MECOM: variants seen among roughly 807,000 people sequenced by gnomAD.
MECOM encodes the protein histone-lysine N-methyltransferase MECOM.
A neutral mutation model predicts 116.3 loss-of-function variants in MECOM; 13 were observed. That is an observed-to-expected ratio of 0.11 (90% CI 0.07 to 0.18). The LOEUF is 0.18. Among genes scored for constraint, MECOM ranks in the 10% least tolerant of loss-of-function variants. The pLI is 1.00. For missense variants in MECOM, 1,299 were observed against 1,509.0 expected, an observed-to-expected ratio of 0.86 and a Z score of 2.31; for synonymous variants, 528 against 535.2, an observed-to-expected ratio of 0.99 and a Z score of 0.19.
At chr3:169,204,552 A>G (rs972369691) in intron 2 of MECOM, among the ~76,000 whole-genome samples, 2 of 152,168 alleles carry the variant, frequency 1.3e-5, no homozygotes, top group African/African-American at 4.8e-5. Flanking sequence ...GTGTCTCTTA[A>G]TCTATAGTAG....
chr3:169,240,729 G>A (rs1318557385), intron 2 of MECOM, among the ~76,000 whole-genome samples: 2 of 152,152 alleles, frequency 1.3e-5, no homozygotes, highest in Non-Finnish European at 2.9e-5. Flanking sequence ...ATGCCATTTT[G>A]TGCCTCTACC....
At chr3:169,319,429 T>G (rs1577699602) in intron 2 of MECOM, among the ~76,000 whole-genome samples, 2 of 146,722 alleles carry the variant, frequency 1.4e-5, no homozygotes, top group African/African-American at 2.5e-5. Flanking sequence ...TGTCAGGGGG[T>G]GGGGGGTAGG....
At chr3:169,634,592 A>T (rs1273220550) in intron 1 of MECOM, among the ~76,000 whole-genome samples, 1 of 152,128 alleles carries the variant, frequency 6.6e-6, no homozygotes, top group African/African-American at 2.4e-5. Context: ...TCAAACATCA[A>T]TGCCACCCAA....
chr3:169,158,352 A>G (rs938613001), intron 2 of MECOM, among the ~76,000 whole-genome samples: 1 of 152,212 alleles, frequency 6.6e-6, no homozygotes, highest in African/African-American at 2.4e-5. Context: ...GTCACAACAT[A>G]TACACGTTCA....
chr3:169,579,737 G>C (rs578236629), intron 1 of MECOM, among the ~76,000 whole-genome samples: 63 of 152,288 alleles, frequency 4.1e-4, no homozygotes, highest in African/African-American at 1.3e-3. Context: ...AAAATGTCAG[G>C]ATTCTCTTGG....
At chr3:169,319,602 T>G (rs1393197360) in intron 2 of MECOM, among the ~76,000 whole-genome samples, 2 of 152,014 alleles carry the variant, frequency 1.3e-5, no homozygotes, top group Non-Finnish European at 2.9e-5. Flanking sequence ...CTATAATGAA[T>G]TGGTCATATG....
intron 1 of MECOM, among the ~76,000 whole-genome samples, chr3:169,627,607 T>C (rs1331614010): frequency 6.6e-6 from 1 of 152,246 alleles, no homozygotes; most frequent in African/African-American, 2.4e-5. Context: ...AAATCTAAAT[T>C]GGAATGTAAT....
At chr3:169,625,792 C>T (rs891184564) in intron 1 of MECOM, among the ~76,000 whole-genome samples, 2 of 152,168 alleles carry the variant, frequency 1.3e-5, no homozygotes, top group African/African-American at 4.8e-5. Context: ...ATGTGAGCTT[C>T]GTTTCCATCT....
chr3:169,354,791 C>A (rs1315502351), intron 2 of MECOM, among the ~76,000 whole-genome samples: 2 of 151,806 alleles, frequency 1.3e-5, no homozygotes, highest in African/African-American at 4.8e-5. Context: ...GTTTTTCCCC[C>A]CCTTCCTGAG....
chr3:169,094,244 T>C (rs1013301953), intron 13 of MECOM, among the ~76,000 whole-genome samples: 1 of 152,170 alleles, frequency 6.6e-6, no homozygotes, highest in Non-Finnish European at 1.5e-5. Flanking sequence ...CTAGTCTGTA[T>C]TAATCCAAAT....
At chr3:169,659,473 T>TTA (rs1775983791) in intron 1 of MECOM, among the ~76,000 whole-genome samples, 3 of 118,506 alleles carry the variant, frequency 2.5e-5, no homozygotes, top group African/African-American at 3.5e-5. Context: ...TTTTTTTTTT[T>TTA]GCAAAACACA....
intron 1 of MECOM, among the ~76,000 whole-genome samples, chr3:169,404,209 A>G (rs1736304754): frequency 6.6e-6 from 1 of 152,198 alleles, no homozygotes; most frequent in Non-Finnish European, 1.5e-5. Context: ...GATTAAAAAA[A>G]ATAGTTTGAA....
In MECOM at chr3:169,378,386, CAAGAAAGAAAGA is replaced by C. The variant is rs1195791276; in HGVS notation, c.375+2789_375+2800del. Among the ~76,000 whole-genome samples, 34 of 59,258 alleles carry C rather than the reference CAAGAAAGAAAGA, an allele frequency of 5.7e-4. 2 individuals carry two copies. The highest frequency in any genetic ancestry group is 2.9e-3 in the East Asian group (6 of 2,100). The allele number at this position is 59,258 out of a possible 152,430, so 38.9% of individuals were successfully genotyped here. On this transcript the variant is annotated intron_variant, in intron 2 of 16. Transcript: ENST00000651503. ...GAAGGAAGGAAGCAAGGAAGGAAGA[CAAGAAAGAAAGA>C]AAGAAAGAAAGAAAGAAAGAAAGAA...
At chr3:169,381,131 T>A (rs958187338) in intron 2 of MECOM, 56 bp downstream of exon 2, 7 of 1,458,844 alleles carry the variant, frequency 4.8e-6, no homozygotes, top group Non-Finnish European at 6.5e-6. Context: ...GCTTAAACAA[T>A]CTCTTCTTTA....
chr3:169,241,207 C>T (rs941208210), intron 2 of MECOM, among the ~76,000 whole-genome samples: 4 of 152,000 alleles, frequency 2.6e-5, no homozygotes, highest in Admixed American at 1.3e-4. Context: ...GTTGAATAAG[C>T]GTTCAATCTT....
chr3:169,260,794 A>T (rs7643579), intron 2 of MECOM, among the ~76,000 whole-genome samples: 2,328 of 152,314 alleles, frequency 0.015, 64 homozygotes, highest in African/African-American at 0.054. Context: ...CAGGATAAAT[A>T]TTTATCCCTA....
chr3:169,413,077 A>G (rs1200817950), intron 1 of MECOM, among the ~76,000 whole-genome samples: 1 of 152,264 alleles, frequency 6.6e-6, no homozygotes, highest in East Asian at 1.9e-4. Context: ...ATGGCCGAAT[A>G]GAAACAGCTC....
chr3:169,615,384 C>T (rs896314780), intron 1 of MECOM, among the ~76,000 whole-genome samples: 3 of 152,202 alleles, frequency 2.0e-5, no homozygotes, highest in Non-Finnish European at 4.4e-5. Context: ...ACTTTGAGAA[C>T]TAAATTAAAA....
intron 2 of MECOM, among the ~76,000 whole-genome samples, chr3:169,190,184 G>C (rs1395408614): frequency 6.6e-6 from 1 of 152,066 alleles, no homozygotes; most frequent in Admixed American, 6.6e-5. Flanking sequence ...GGCAAGGAAA[G>C]AAAGGTACTC....
Sources: allele counts gnomAD v4.1 joint callset (sites outside exome capture counted in the v4.1 genomes callset), GRCh38; gene constraint gnomAD v4.1.1; transcripts MANE v1.5; gene names NCBI Gene and HGNC (gene_info 2026-07-23, HGNC 2026-07-21).